CCDC146: variants seen among roughly 807,000 people sequenced by gnomAD.
CCDC146 encodes coiled-coil domain containing 146, also known as coiled-coil domain-containing protein 146.
A neutral mutation model predicts 119.3 loss-of-function variants in CCDC146; 92 were observed. The ratio of observed to expected loss-of-function variants is 0.77; its 90% CI spans 0.65 to 0.92. CCDC146 has a LOEUF of 0.92. Among genes scored for constraint, CCDC146 ranks in the 40% least tolerant of loss-of-function variants. CCDC146 has a pLI of 0.00. For synonymous variants in CCDC146, 372 were observed against 371.8 expected (o/e 1.00, Z -0.01); for missense variants, 1,000 against 1,103.0 (o/e 0.91, Z 1.32).
chr7:77,222,782 C>G (rs1792429619), intron 2 of CCDC146, among the ~76,000 whole-genome samples: 2 of 152,238 alleles, frequency 1.3e-5, no homozygotes, highest in Admixed American at 1.3e-4. Context: ...CAGTTTCTCA[C>G]TGCCTGAGCC....
intron 17 of CCDC146, among the ~76,000 whole-genome samples, chr7:77,291,875 T>G (rs897114740): frequency 1.3e-5 from 2 of 152,238 alleles, no homozygotes; most frequent in African/African-American, 4.8e-5. Flanking sequence ...ATTTAAAAAG[T>G]CATTTCAGAT....
intron 2 of CCDC146, among the ~76,000 whole-genome samples, chr7:77,169,304 A>G (rs1322777936): frequency 1.3e-5 from 2 of 151,982 alleles, no homozygotes; most frequent in African/African-American, 2.4e-5. Context: ...CCCATTTGCT[A>G]GACTTGTTCA....
chr7:77,155,714 G>A (rs1404765417), intron 1 of CCDC146, among the ~76,000 whole-genome samples: 1 of 152,144 alleles, frequency 6.6e-6, no homozygotes, highest in Non-Finnish European at 1.5e-5. Context: ...TGTTTAAATT[G>A]TGAAGGGTTA....
intron 4 of CCDC146, among the ~76,000 whole-genome samples, chr7:77,244,642 G>C (rs1346397885): frequency 6.6e-6 from 1 of 152,220 alleles, no homozygotes; most frequent in Non-Finnish European, 1.5e-5. Context: ...TAGATGTGTA[G>C]TAGGCTACAC....
rs775855459 is a variant in CCDC146 at position 77,260,097 on chromosome 7, A to G, written c.847A>G (p.Ile283Val). 9.3e-6 allele frequency: 15 copies of G among 1,614,044 alleles called. No individual in the cohort carries two copies. Among genetic ancestry groups the G allele is most frequent in the Middle Eastern group, 1.7e-4 (1 of 6,022 alleles). The change falls in exon 8 of 19, where the codon ATA becomes GTA. Residue 283 changes from isoleucine to valine, a missense_variant. Physicochemically the swap from Ile to Val is conservative, Grantham distance 29. Around this residue, in one of 2 missense-constraint regions of CCDC146, gnomAD observed 985 missense variants for 1,045.3 expected, o/e 0.94. Transcript: ENST00000285871. ...LKKVENKVSA[I>V]VDEKENVIKE... ...GAAAGTTGAAAACAAGGTTAGTGCTATAGTGGATGAGAAGGAAAATGTAAT... is the reference window on the plus strand; with the variant it reads ...GAAAGTTGAAAACAAGGTTAGTGCTGTAGTGGATGAGAAGGAAAATGTAAT...
At chr7:77,163,615 G>A (rs560668214) in intron 1 of CCDC146, among the ~76,000 whole-genome samples, 2 of 152,186 alleles carry the variant, frequency 1.3e-5, no homozygotes, top group African/African-American at 2.4e-5. Flanking sequence ...GGTATGAAAA[G>A]GGATGAGATC....
intron 1 of CCDC146, among the ~76,000 whole-genome samples, chr7:77,157,748 C>T (rs185824535): frequency 1.3e-5 from 2 of 152,280 alleles, no homozygotes; most frequent in African/African-American, 4.8e-5. Flanking sequence ...AGTGGTGCTC[C>T]CTGTAAGTGT....
At chr7:77,185,543 G>A (rs1025899337) in intron 2 of CCDC146, among the ~76,000 whole-genome samples, 1 of 152,132 alleles carries the variant, frequency 6.6e-6, no homozygotes, top group Admixed American at 6.6e-5. Flanking sequence ...TGTTGTTGGG[G>A]TGCCCCCTAA....
At chr7:77,241,348 C>T (rs140114499) in intron 3 of CCDC146, among the ~76,000 whole-genome samples, 7,092 of 95,026 alleles carry the variant, frequency 0.075, 2,034 homozygotes, top group East Asian at 0.26. Flanking sequence ...TGAGCCATCG[C>T]GCCCGGCCAC....
chr7:77,131,485 A>G (rs1790784559), intron 1 of CCDC146, among the ~76,000 whole-genome samples: 1 of 151,994 alleles, frequency 6.6e-6, no homozygotes, highest in Admixed American at 6.5e-5. Context: ...TGGGAGGCCG[A>G]GGTGGGCTGA....
At chr7:77,133,193 C>T (rs527325398) in intron 1 of CCDC146, among the ~76,000 whole-genome samples, 2 of 151,656 alleles carry the variant, frequency 1.3e-5, no homozygotes, top group Admixed American at 6.6e-5. Flanking sequence ...TTTTTTTTGG[C>T]AAAACTCAGT....
chr7:77,190,928 C>G (rs1791751311), intron 2 of CCDC146, among the ~76,000 whole-genome samples: 2 of 152,060 alleles, frequency 1.3e-5, no homozygotes, highest in African/African-American at 2.4e-5. Context: ...ATTATTCCTG[C>G]TTTTTTCTTC....
At chr7:77,272,297 G>A (rs1317755201) in intron 9 of CCDC146, among the ~76,000 whole-genome samples, 3 of 152,162 alleles carry the variant, frequency 2.0e-5, no homozygotes, top group African/African-American at 4.8e-5. Context: ...CATCTCAAGA[G>A]CTAGTGCTCC....
At chr7:77,157,301 A>G (rs1791193173) in intron 1 of CCDC146, among the ~76,000 whole-genome samples, 1 of 130,512 alleles carries the variant, frequency 7.7e-6, no homozygotes, top group Non-Finnish European at 1.6e-5. Flanking sequence ...TTGTTCAATG[A>G]TGAGTAATAT....
At chr7:77,156,544 A>G (rs947067634) in intron 1 of CCDC146, among the ~76,000 whole-genome samples, 4 of 152,092 alleles carry the variant, frequency 2.6e-5, no homozygotes, top group African/African-American at 9.6e-5. Context: ...CCATAAATAT[A>G]TATACCTACT....
At chr7:77,144,208 CT>C (rs1324938666) in intron 1 of CCDC146, among the ~76,000 whole-genome samples, 1 of 151,612 alleles carries the variant, frequency 6.6e-6, no homozygotes, top group Non-Finnish European at 1.5e-5. Context: ...CATGATTTGG[CT>C]CTCTGTTTGT....
intron 2 of CCDC146, among the ~76,000 whole-genome samples, chr7:77,171,371 A>G (rs191323138): frequency 6.6e-6 from 1 of 152,324 alleles, no homozygotes; most frequent in Non-Finnish European, 1.5e-5. Flanking sequence ...CCAGAGTCAT[A>G]TAAATAAGTT....
chr7:77,176,773 G>C (rs1428326821), intron 2 of CCDC146, among the ~76,000 whole-genome samples: 1 of 151,976 alleles, frequency 6.6e-6, no homozygotes, highest in East Asian at 1.9e-4. Context: ...ATATTCAAAA[G>C]ATGCTTTATT....
At chr7:77,199,052 G>C (rs1354851104) in intron 2 of CCDC146, 1 of 787,186 alleles carries the variant, frequency 1.3e-6, no homozygotes, top group Non-Finnish European at 2.0e-6. Context: ...ATTTTTTCCT[G>C]TGCACCTTGA....
Sources: gnomAD v4.1 joint callset for allele counts (sites outside exome capture counted in the v4.1 genomes callset) on GRCh38, gnomAD v4.1.1 for gene constraint, gnomAD v4.1.1 regional missense constraint, MANE v1.5 for transcripts, NCBI Gene and HGNC (gene_info 2026-07-23, HGNC 2026-07-21) for gene names.